Variants in STIM2 observed in about 807,000 individuals in gnomAD.
STIM2 encodes the protein stromal interaction molecule 2.
Under a neutral mutation model 85.8 loss-of-function variants are expected in STIM2, and 31 were observed. The ratio of observed to expected loss-of-function variants is 0.36; its 90% CI spans 0.27 to 0.49. STIM2 has a LOEUF of 0.49. STIM2 is among the 20% of genes least tolerant of loss of function. The pLI is 0.98. For missense variants in STIM2, 841 were observed against 927.6 expected, an observed-to-expected ratio of 0.91 and a Z score of 1.21; for synonymous variants, 356 against 331.1, an observed-to-expected ratio of 1.08 and a Z score of -0.82.
At chr4:26,935,323 G>C (rs1725355858) in intron 2 of STIM2, among the ~76,000 whole-genome samples, 2 of 152,122 alleles carry the variant, frequency 1.3e-5, no homozygotes, top group African/African-American at 4.8e-5. Flanking sequence ...CCTCTTCTTT[G>C]TTTACGTATA....
rs374450785 is a variant in STIM2, at chr4:26,970,221, ATGTATATATATATATATATATATATG to A, written c.397+12497_397+12522del. On this transcript the variant is annotated intron_variant, in intron 3 of 11. Transcript: ENST00000467087. ...TGTGTATATATATATATATATATAT[ATGTATATATATATATATATATATATG>A]TATGTATTTTTTTATTATACTTTAA... 5.4e-3 allele frequency among the ~76,000 whole-genome samples: 676 copies of A among 125,134 alleles called. 11 individuals carry two copies. The highest frequency in any genetic ancestry group is 0.019 in the African/African-American group (597 of 31,568). 82.1% of individuals were successfully genotyped at this position (125,134 alleles called of 152,430 possible). A position where few individuals can be genotyped will look rare whatever the true frequency, so the allele number is the denominator to read the frequency against.
intron 11 of STIM2, chr4:27,021,057 C>CA (rs753021176): frequency 0.047 from 44,130 of 934,054 alleles, 1 homozygote; most frequent in South Asian, 0.064. Flanking sequence ...GTAAAGCTCT[C>CA]AAAAAAAAAA....
At chr4:26,891,097 G>T (rs1384130601) in intron 1 of STIM2, among the ~76,000 whole-genome samples, 1 of 152,222 alleles carries the variant, frequency 6.6e-6, no homozygotes, top group East Asian at 1.9e-4. Context: ...TTATAGTTCA[G>T]TTTGTGTGAT....
intron 11 of STIM2, among the ~76,000 whole-genome samples, chr4:27,021,973 C>T (rs994449045): frequency 3.3e-5 from 5 of 152,042 alleles, no homozygotes; most frequent in African/African-American, 1.2e-4. Context: ...ATGTTTGCCC[C>T]TCCCCTCCAC....
At chr4:26,973,722 G>A (rs888946327) in intron 3 of STIM2, among the ~76,000 whole-genome samples, 4 of 152,138 alleles carry the variant, frequency 2.6e-5, no homozygotes, top group Admixed American at 6.6e-5. Flanking sequence ...CTGTTGATTA[G>A]GGCTGGAGAG....
intron 10 of STIM2, among the ~76,000 whole-genome samples, chr4:27,015,351 T>G (rs890085578): frequency 6.6e-6 from 1 of 152,064 alleles, no homozygotes; most frequent in Non-Finnish European, 1.5e-5. Context: ...CTCAAAACAG[T>G]CACTGTTTTT....
intron 1 of STIM2, among the ~76,000 whole-genome samples, chr4:26,917,259 C>T (rs951541995): frequency 6.6e-6 from 1 of 152,102 alleles, no homozygotes; most frequent in Non-Finnish European, 1.5e-5. Flanking sequence ...TTTCACTTTC[C>T]CCTTAAATGT....
At position 26,935,067 on chromosome 4, in the gene STIM2, G is replaced by A. The variant is rs116569534; in HGVS notation, c.282+15433G>A. On this transcript the variant is annotated intron_variant, in intron 2 of 11. Transcript: ENST00000467087. ...TTAAAATATCTTTTCCTATAAATTT[G>A]CCACTATGTCTTTATATTTTAGCTG... 1.8e-3 allele frequency among the ~76,000 whole-genome samples: 278 copies of A among 152,116 alleles called. 1 individual carries two copies. The highest frequency in any genetic ancestry group is 6.4e-3 in the African/African-American group (264 of 41,492).
chr4:26,987,168 A>G (rs186274392), intron 3 of STIM2, among the ~76,000 whole-genome samples: 72 of 152,154 alleles, frequency 4.7e-4, no homozygotes, highest in Non-Finnish European at 1.0e-4. Context: ...TTTCTTCTCT[A>G]TTGGTGGCTA....
At chr4:26,872,945 G>C (rs1390775251) in intron 1 of STIM2, among the ~76,000 whole-genome samples, 1 of 152,204 alleles carries the variant, frequency 6.6e-6, no homozygotes, top group African/African-American at 2.4e-5. Context: ...CAAAGACTGT[G>C]AGGCAAGAAA....
intron 1 of STIM2, among the ~76,000 whole-genome samples, chr4:26,916,752 A>G (rs1287817734): frequency 1.3e-5 from 2 of 149,482 alleles, no homozygotes; most frequent in Middle Eastern, 3.4e-3. Flanking sequence ...TTTTTTTTTT[A>G]TGTCACTGAA....
At chr4:26,991,427 G>A (rs776818902) in intron 3 of STIM2, among the ~76,000 whole-genome samples, 1 of 152,080 alleles carries the variant, frequency 6.6e-6, no homozygotes, top group African/African-American at 2.4e-5. Flanking sequence ...AGGCTGGGAA[G>A]CGAAGAGGGG....
At position 27,022,787 on chromosome 4, in the gene STIM2, T is replaced by A. The variant is rs140768028; in HGVS notation, c.2032T>A (p.Ser678Thr). 1.9e-6 allele frequency: 3 copies of A among 1,614,042 alleles called. No individual in the cohort carries two copies. The African/African-American group carries it at 4.0e-5, about 22-fold the overall frequency. Residue 678 changes from serine (S) to threonine (T), a missense_variant, in exon 12 of 12, where the codon TCC becomes ACC. Transcript: ENST00000467087. ...AGTGTACAATGGCATTTTGGAGAAA[T>A]CCTGTAGCATGAACCAGCTTTCCAG...
intron 1 of STIM2, among the ~76,000 whole-genome samples, chr4:26,897,772 T>C (rs1207405720): frequency 1.3e-5 from 2 of 152,188 alleles, no homozygotes; most frequent in Non-Finnish European, 2.9e-5. Flanking sequence ...ATATGTATTT[T>C]ATTTATTTTT....
chr4:27,001,426 C>G (rs528701732), intron 5 of STIM2, among the ~76,000 whole-genome samples: 4 of 152,224 alleles, frequency 2.6e-5, no homozygotes, highest in African/African-American at 9.6e-5. Flanking sequence ...TACCAGTAAC[C>G]CCCATATCTC....
intron 10 of STIM2, among the ~76,000 whole-genome samples, chr4:27,015,307 C>T (rs1290387349): frequency 6.6e-6 from 1 of 151,908 alleles, no homozygotes; most frequent in African/African-American, 2.4e-5. Flanking sequence ...TATGTGTTAA[C>T]GTTGTCTGGT....
At chr4:26,884,371 T>C (rs1000771042) in intron 1 of STIM2, among the ~76,000 whole-genome samples, 7 of 152,228 alleles carry the variant, frequency 4.6e-5, no homozygotes, top group Non-Finnish European at 1.0e-4. Context: ...TGCCACATAA[T>C]AACTCTTAGA....
intron 3 of STIM2, among the ~76,000 whole-genome samples, chr4:26,980,419 A>C (rs1457425340): frequency 1.3e-5 from 2 of 152,114 alleles, no homozygotes; most frequent in East Asian, 3.9e-4. Flanking sequence ...GTTAGACCAG[A>C]GTAAGTAGAA....
intron 2 of STIM2, among the ~76,000 whole-genome samples, chr4:26,922,142 G>A (rs767973415): frequency 1.6e-4 from 25 of 152,044 alleles, no homozygotes; most frequent in African/African-American, 5.8e-4. Context: ...GTCATTTATT[G>A]TGGGCCGTTT....
Sources: allele counts gnomAD v4.1 joint callset (sites outside exome capture counted in the v4.1 genomes callset), GRCh38; gene constraint gnomAD v4.1.1; transcripts MANE v1.5; gene names NCBI Gene and HGNC (gene_info 2026-07-23, HGNC 2026-07-21).